Variants in SASS6 observed in about 807,000 individuals in gnomAD.
The protein encoded by SASS6 is SAS-6 centriolar assembly protein, also known as spindle assembly abnormal protein 6 homolog.
Under a neutral mutation model 94.9 loss-of-function variants are expected in SASS6, and 59 were observed. The ratio of observed to expected loss-of-function variants is 0.62; its 90% CI spans 0.50 to 0.77. The LOEUF is 0.77. Among genes scored for constraint, SASS6 ranks in the 30% least tolerant of loss-of-function variants. The probability of loss-of-function intolerance (pLI) is 0.00; values close to 1 mark genes in which losing one functional copy is unlikely to be tolerated. For synonymous variants in SASS6, 264 were observed against 270.0 expected (o/e 0.98, Z 0.22); for missense variants, 698 against 734.1 (o/e 0.95, Z 0.57).
chr1:100,087,409 T>C (rs1651388273), intron 15 of SASS6, among the ~76,000 whole-genome samples: 1 of 152,198 alleles, frequency 6.6e-6, no homozygotes, highest in African/African-American at 2.4e-5. Context: ...TGGTGATAGC[T>C]CATGATAATG....
intron 1 of SASS6, among the ~76,000 whole-genome samples, chr1:100,132,217 A>G (rs1368120925): frequency 6.6e-6 from 1 of 152,102 alleles, no homozygotes; most frequent in Non-Finnish European, 1.5e-5. Flanking sequence ...TGCTTTTCTC[A>G]TTTTTAGTCG....
chr1:100,125,889 T>C lies in SASS6; in HGVS notation c.119A>G (p.His40Arg). 1 of 1,524,894 alleles carries C rather than the reference T, an allele frequency of 6.6e-7. No homozygotes were observed. The highest frequency in any genetic ancestry group is 9.0e-7 in the Non-Finnish European group (1 of 1,108,964). The allele number at this position is 1,524,894 out of a possible 1,614,324, so 94.5% of individuals were successfully genotyped here. A position where few individuals can be genotyped will look rare whatever the true frequency, so the allele number is the denominator to read the frequency against. ...IELQSVSNPV[H>R]RKDLVIRLTD... ...AAAGGACTAAATACCAACCTTTCTG[T>C]GAACTGGATTAGAAACTGATTGTAG... The change falls in exon 2 of 17, where the codon CAC becomes CGC. Residue 40 changes from histidine (H) to arginine (R), a missense_variant. His to Arg is a conservative substitution (Grantham distance 29). Transcript: ENST00000287482.
rs1651439086 is a variant in SASS6, at chr1:100,088,190, TCTC to T, written c.1718_1720del (p.Gly573del). The T allele has an allele frequency of 6.2e-7, 1 of 1,608,218 alleles. No individual in the cohort carries two copies. Among genetic ancestry groups the T allele is most frequent in the Non-Finnish European group, 8.5e-7 (1 of 1,174,858 alleles). On this transcript the variant is annotated inframe_deletion, in exon 15 of 17. Transcript: ENST00000287482. ...ACTAATAGTTGCTCCTGACTGAACA[TCTC>T]CTAGTGATGCATTTGGTTTTGTAAA...
intron 7 of SASS6, among the ~76,000 whole-genome samples, chr1:100,115,532 T>A (rs959629784): frequency 1.3e-5 from 2 of 152,164 alleles, no homozygotes; most frequent in Non-Finnish European, 2.9e-5. Flanking sequence ...AAATTTAGTA[T>A]GTGATAAAGG....
chr1:100,124,856 C>T (rs190907315), intron 2 of SASS6, among the ~76,000 whole-genome samples: 12 of 152,258 alleles, frequency 7.9e-5, no homozygotes, highest in Admixed American at 7.8e-4. Context: ...GCTGAGATCC[C>T]TTGCATGTAC....
At chr1:100,105,153 T>G (rs900952876) in intron 13 of SASS6, among the ~76,000 whole-genome samples, 5 of 152,244 alleles carry the variant, frequency 3.3e-5, no homozygotes, top group African/African-American at 1.2e-4. Context: ...TTTTACGTTA[T>G]GTGTTTTCAA....
Position 100,107,374 on chromosome 1 carries a change from C to G in SASS6, c.1326G>C (p.Glu442Asp), listed in dbSNP as rs1165600571. Reference protein sequence around the residue: ...VGQSLRIKEQEVCKLQEQLEA... With the variant: ...VGQSLRIKEQDVCKLQEQLEA... The stretch of plus-strand genomic sequence containing the variant: ...CATAAAAATTTAAAATATTAACTAC[C>G]TCTTGCTCTTTAATTCGAAGAGACT... Residue 442 changes from glutamate (E) to aspartate (D), a missense_variant and splice_region_variant, in exon 11 of 17, where the codon GAG becomes GAC. Glu to Asp is a conservative substitution (Grantham distance 45). Transcript: ENST00000287482. 1 of 1,569,854 alleles carries G rather than the reference C, an allele frequency of 6.4e-7. No individual in the cohort carries two copies. Among genetic ancestry groups the G allele is most frequent in the Non-Finnish European group, 8.7e-7 (1 of 1,153,110 alleles).
At chr1:100,088,945 G>C (rs1166437369) in intron 14 of SASS6, among the ~76,000 whole-genome samples, 1 of 151,114 alleles carries the variant, frequency 6.6e-6, no homozygotes, top group Non-Finnish European at 1.5e-5. Context: ...ACAACAATAA[G>C]ATGTCATACT....
Position 100,120,473 on chromosome 1 carries a change from TAATAA to T in SASS6, c.484-19_484-15del. ...TAATTTTTCTTCCTATTCATAAAAA[TAATAA>T]AATTACACAGTTTACAATGTAATCA... On this transcript the variant is annotated splice_polypyrimidine_tract_variant and intron_variant, in intron 5 of 16. Coordinates refer to ENST00000287482, the MANE Select transcript of SASS6 (RefSeq NM_194292.3). 1 of 1,152,866 alleles carries T rather than the reference TAATAA, an allele frequency of 8.7e-7. No homozygotes were observed. Among genetic ancestry groups the T allele is most frequent in the African/African-American group, 1.5e-5 (1 of 65,946 alleles). 71.4% of individuals were successfully genotyped at this position (1,152,866 alleles called of 1,614,324 possible).
intron 2 of SASS6, 79 bp downstream of exon 2, chr1:100,125,803 G>A: frequency 2.6e-6 from 2 of 778,390 alleles, no homozygotes; most frequent in East Asian, 2.7e-5. Context: ...TGCAATAAAA[G>A]ATGTCACATT....
chr1:100,099,322 G>A (rs74102352), intron 14 of SASS6: 2 of 153,646 alleles, frequency 1.3e-5, no homozygotes, highest in African/African-American at 4.8e-5. Context: ...GTGTCAGGAG[G>A]ATAAGAGATT....
intron 14 of SASS6, among the ~76,000 whole-genome samples, chr1:100,098,784 AG>A (rs1652266932): frequency 1.3e-5 from 2 of 152,242 alleles, no homozygotes; most frequent in Non-Finnish European, 2.9e-5. Flanking sequence ...GATACACTGC[AG>A]TTACCTATTC....
At chr1:100,127,047 T>TA (rs1485543650) in intron 1 of SASS6, among the ~76,000 whole-genome samples, 1 of 152,196 alleles carries the variant, frequency 6.6e-6, no homozygotes, top group Non-Finnish European at 1.5e-5. Context: ...TGCTGTATCT[T>TA]AGAGAATCCA....
intron 7 of SASS6, among the ~76,000 whole-genome samples, chr1:100,110,847 A>C (rs1205949113): frequency 6.6e-6 from 1 of 151,546 alleles, no homozygotes; most frequent in African/African-American, 2.4e-5. Context: ...TTGTGTATTA[A>C]AAAAAAAGCA....
In SASS6 at chr1:100,085,602, A is replaced by G. The variant is rs1208242811; in HGVS notation, c.1801T>C (p.Tyr601His). The G allele has an allele frequency of 6.2e-7, 1 of 1,611,792 alleles. No homozygotes were observed. The highest frequency in any genetic ancestry group is 1.7e-5 in the Admixed American group (1 of 59,964). Residue 601 changes from tyrosine (Y) to histidine (H), a missense_variant, in exon 16 of 17, where the codon TAC becomes CAC. Tyr to His is a moderately conservative substitution (Grantham distance 83). Coordinates refer to ENST00000287482, the MANE Select transcript of SASS6 (RefSeq NM_194292.3). ...ATGCTATCTTCCCTTTTCTTCAGGT[A>G]TTTGGATTCCAACCCTACATTTTCA... ...NGENVGLESKYLKKREDSIPL... is the reference protein window; with the variant it reads ...NGENVGLESKHLKKREDSIPL...
At chr1:100,088,519 G>A (rs563621279) in intron 14 of SASS6, among the ~76,000 whole-genome samples, 11 of 152,122 alleles carry the variant, frequency 7.2e-5, no homozygotes, top group East Asian at 1.9e-4. Context: ...CAAACTCCTC[G>A]GCTCAAGTGA....
intron 15 of SASS6, among the ~76,000 whole-genome samples, chr1:100,087,344 A>G (rs1375369050): frequency 6.6e-6 from 1 of 152,222 alleles, no homozygotes; most frequent in Non-Finnish European, 1.5e-5. Context: ...AGAGCTGGGG[A>G]TAAGAACCCT....
chr1:100,105,647 G>T, intron 13 of SASS6, 120 bp downstream of exon 13: 2 of 888,318 alleles, frequency 2.3e-6, no homozygotes, highest in Non-Finnish European at 3.5e-6. Flanking sequence ...CAGTGCAATT[G>T]TAGGACTCCA....
intron 3 of SASS6, 63 bp from the exon 4 acceptor site, chr1:100,122,547 GC>G: frequency 2.4e-6 from 1 of 422,996 alleles, no homozygotes; most frequent in Non-Finnish European, 3.9e-6. Context: ...TTGTTTTGGT[GC>G]CTTTTTTTTT....
Sources: gnomAD v4.1 joint callset for allele counts (sites outside exome capture counted in the v4.1 genomes callset) on GRCh38, gnomAD v4.1.1 for gene constraint, MANE v1.5 for transcripts, NCBI Gene and HGNC (gene_info 2026-07-23, HGNC 2026-07-21) for gene names.